SORCS2: variants seen among roughly 807,000 people sequenced by gnomAD.
The protein encoded by SORCS2 is sortilin related VPS10 domain containing receptor 2.
Under a neutral mutation model 141.6 loss-of-function variants are expected in SORCS2, and 100 were observed. The ratio of observed to expected loss-of-function variants is 0.71; its 90% CI spans 0.60 to 0.83. The LOEUF is 0.83. SORCS2 is among the 40% of genes least tolerant of loss of function. The probability of loss-of-function intolerance (pLI) is 0.00; values close to 1 mark genes in which losing one functional copy is unlikely to be tolerated. For synonymous variants in SORCS2, 789 were observed against 676.9 expected, an observed-to-expected ratio of 1.17 and a Z score of -2.57; for missense variants, 1,646 against 1,560.2, an observed-to-expected ratio of 1.05 and a Z score of -0.93.
chr4:7,399,931 C>T (rs1724465278), intron 2 of SORCS2, among the ~76,000 whole-genome samples: 1 of 152,102 alleles, frequency 6.6e-6, no homozygotes, highest in Admixed American at 6.5e-5. Context: ...CTGGGATCTT[C>T]CTGCAAGGGA....
At chr4:7,391,775 G>A (rs1385703342) in intron 1 of SORCS2, among the ~76,000 whole-genome samples, 1 of 152,162 alleles carries the variant, frequency 6.6e-6, no homozygotes, top group Admixed American at 6.5e-5. Context: ...CAGTGGTGAT[G>A]GCATCCTGAG....
intron 1 of SORCS2, among the ~76,000 whole-genome samples, chr4:7,301,570 T>C (rs4234800): frequency 0.24 from 36,249 of 152,204 alleles, 5,090 homozygotes; most frequent in Admixed American, 0.37. Context: ...CAGAGCACCC[T>C]CGACCCTTCT....
At chr4:7,509,295 C>T (rs1159935242) in intron 2 of SORCS2, among the ~76,000 whole-genome samples, 3 of 152,098 alleles carry the variant, frequency 2.0e-5, no homozygotes, top group African/African-American at 4.8e-5. Flanking sequence ...GTGTGGGCCA[C>T]AGAGGGGATG....
chr4:7,528,019 C>CTCTCTG (rs1348429344), intron 2 of SORCS2, among the ~76,000 whole-genome samples: 1 of 151,934 alleles, frequency 6.6e-6, no homozygotes, highest in Non-Finnish European at 1.5e-5. Context: ...TCCTTGTGCT[C>CTCTCTG]TCTCTGTCTC....
At chr4:7,398,550 A>C (rs957942667) in intron 2 of SORCS2, among the ~76,000 whole-genome samples, 6 of 152,234 alleles carry the variant, frequency 3.9e-5, no homozygotes, top group Non-Finnish European at 7.3e-5. Flanking sequence ...TTGCAGAGAC[A>C]TTAGTCATCT....
chr4:7,237,059 C>G (rs1264016411), intron 1 of SORCS2, among the ~76,000 whole-genome samples: 1 of 152,174 alleles, frequency 6.6e-6, no homozygotes, highest in African/African-American at 2.4e-5. Flanking sequence ...CGCACATGGT[C>G]ACTGGCAGCT....
chr4:7,646,054 C>T (rs1009970717), intron 4 of SORCS2, among the ~76,000 whole-genome samples: 2 of 152,254 alleles, frequency 1.3e-5, no homozygotes, highest in Admixed American at 6.5e-5. Context: ...AGCAAATGGG[C>T]CTTGCGCACC....
At chr4:7,359,602 C>A (rs946991382) in intron 1 of SORCS2, among the ~76,000 whole-genome samples, 1 of 152,200 alleles carries the variant, frequency 6.6e-6, no homozygotes, top group Non-Finnish European at 1.5e-5. Flanking sequence ...TCCAACGATT[C>A]GCTCCCAAGA....
chr4:7,437,378 G>A (rs1727379836), intron 2 of SORCS2, among the ~76,000 whole-genome samples: 1 of 152,278 alleles, frequency 6.6e-6, no homozygotes, highest in South Asian at 2.1e-4. Context: ...ACACCCTCTG[G>A]GTGTGCCACC....
intron 23 of SORCS2, among the ~76,000 whole-genome samples, chr4:7,730,863 T>G (rs1439438455): frequency 1.3e-5 from 2 of 152,230 alleles, no homozygotes; most frequent in Non-Finnish European, 2.9e-5. Flanking sequence ...TTGTACACTT[T>G]AAAAGAGTAA....
intron 1 of SORCS2, among the ~76,000 whole-genome samples, chr4:7,282,664 G>A (rs1014940135): frequency 1.3e-5 from 2 of 152,216 alleles, no homozygotes; most frequent in Non-Finnish European, 2.9e-5. Context: ...AGTCACGCCA[G>A]TGGCTGTAGG....
At chr4:7,505,933 C>T (rs1048948636) in intron 2 of SORCS2, among the ~76,000 whole-genome samples, 1 of 152,208 alleles carries the variant, frequency 6.6e-6, no homozygotes, top group East Asian at 1.9e-4. Context: ...AGCCCCTAGT[C>T]TTCTGTGCCT....
At chr4:7,390,512 G>T (rs1246812114) in intron 1 of SORCS2, among the ~76,000 whole-genome samples, 3 of 152,216 alleles carry the variant, frequency 2.0e-5, no homozygotes, top group East Asian at 1.9e-4. Context: ...CAGGGCCAGG[G>T]TTCAGGCTGG....
intron 2 of SORCS2, among the ~76,000 whole-genome samples, chr4:7,412,347 G>A (rs1725374560): frequency 6.6e-6 from 1 of 152,194 alleles, no homozygotes; most frequent in African/African-American, 2.4e-5. Flanking sequence ...TCTGAGTGAG[G>A]CTGGCAGCTT....
At chr4:7,434,292 C>T in intron 2 of SORCS2, 1 of 1,612,608 alleles carries the variant, frequency 6.2e-7, no homozygotes. Flanking sequence ...ACCGGACAGC[C>T]TCCTGGAGTC....
chr4:7,592,042 G>A (rs758646275), intron 3 of SORCS2, among the ~76,000 whole-genome samples: 9 of 152,158 alleles, frequency 5.9e-5, no homozygotes, highest in South Asian at 2.1e-4. Context: ...GGAAAGCGCC[G>A]AGGCTTTCAT....
At chr4:7,313,910 G>T (rs1270018347) in intron 1 of SORCS2, among the ~76,000 whole-genome samples, 1 of 152,146 alleles carries the variant, frequency 6.6e-6, no homozygotes, top group Non-Finnish European at 1.5e-5. Context: ...CCCATTGAGG[G>T]CAGGAGTGGT....
At chr4:7,297,783 G>A (rs1717179892) in intron 1 of SORCS2, among the ~76,000 whole-genome samples, 1 of 152,198 alleles carries the variant, frequency 6.6e-6, no homozygotes. Flanking sequence ...CAGCACTTTT[G>A]GGCCAGTGGT....
intron 2 of SORCS2, among the ~76,000 whole-genome samples, chr4:7,470,256 C>T (rs1245208785): frequency 6.6e-6 from 1 of 151,436 alleles, no homozygotes; most frequent in Non-Finnish European, 1.5e-5. Flanking sequence ...CTCCCATCCT[C>T]CCATCCTCCC....
Sources: gnomAD v4.1 joint callset for allele counts (sites outside exome capture counted in the v4.1 genomes callset) on GRCh38, gnomAD v4.1.1 for gene constraint, MANE v1.5 for transcripts, NCBI Gene and HGNC (gene_info 2026-07-23, HGNC 2026-07-21) for gene names.